Variants in NR3C1 observed in about 807,000 individuals in gnomAD.
NR3C1 encodes the protein glucocorticoid receptor.
NR3C1 carries 14 observed loss-of-function variants against 74.0 expected under a neutral mutation model. That is an observed-to-expected ratio of 0.19 (90% CI 0.12 to 0.30). NR3C1 has a LOEUF of 0.30. Ranked by LOEUF, NR3C1 falls within the 10% of genes least tolerant of loss-of-function variation. The pLI is 1.00. For missense variants in NR3C1, 695 were observed against 909.8 expected (o/e 0.76, Z 3.04); for synonymous variants, 308 against 332.5 (o/e 0.93, Z 0.80).
chr5:143,338,200 C>T (rs929311756), intron 2 of NR3C1, among the ~76,000 whole-genome samples: 2 of 152,140 alleles, frequency 1.3e-5, no homozygotes, highest in Non-Finnish European at 2.9e-5. Flanking sequence ...AACAAACCTA[C>T]CGTGCTACCA....
At chr5:143,349,102 T>C (rs111599976) in intron 2 of NR3C1, among the ~76,000 whole-genome samples, 431 of 152,238 alleles carry the variant, frequency 2.8e-3, no homozygotes, top group South Asian at 6.8e-3. Flanking sequence ...TGAGAAAGGA[T>C]GAGGGGGGTC....
At chr5:143,316,166 G>A (rs1045931479) in intron 2 of NR3C1, among the ~76,000 whole-genome samples, 1 of 152,192 alleles carries the variant, frequency 6.6e-6, no homozygotes, top group South Asian at 2.1e-4. Flanking sequence ...TAATGTAGAG[G>A]AGCTGCTTTG....
intron 7 of NR3C1, among the ~76,000 whole-genome samples, chr5:143,293,308 T>TCTAAGTGGG (rs1480760586): frequency 6.6e-6 from 1 of 152,142 alleles, no homozygotes; most frequent in African/African-American, 2.4e-5. Context: ...TGTTCTCACT[T>TCTAAGTGGG]CTAAGTGGGA....
intron 7 of NR3C1, 43 bp from the exon 8 acceptor site, chr5:143,282,768 T>TTTTC: frequency 6.3e-7 from 1 of 1,582,492 alleles, no homozygotes; most frequent in Non-Finnish European, 8.6e-7. Flanking sequence ...TTTCTTTTTC[T>TTTTC]TTTCTTTTCT....
At chr5:143,294,996 G>T in intron 7 of NR3C1, 3 of 985,326 alleles carry the variant, frequency 3.0e-6, no homozygotes, top group Non-Finnish European at 3.6e-6. Context: ...CAGCTCCCAT[G>T]CTATGTTAAC....
intron 7 of NR3C1, among the ~76,000 whole-genome samples, chr5:143,285,624 C>G (rs974430019): frequency 6.6e-6 from 1 of 151,880 alleles, no homozygotes; most frequent in Admixed American, 6.6e-5. Flanking sequence ...TGGAGAAAAA[C>G]CCAAATGTTT....
At chr5:143,330,329 A>C (rs894056050) in intron 2 of NR3C1, among the ~76,000 whole-genome samples, 1 of 152,220 alleles carries the variant, frequency 6.6e-6, no homozygotes, top group East Asian at 1.9e-4. Context: ...CTACTGTTGT[A>C]GTGGGAGATG....
intron 2 of NR3C1, among the ~76,000 whole-genome samples, chr5:143,323,544 G>C (rs1823867858): frequency 6.6e-6 from 1 of 151,940 alleles, no homozygotes; most frequent in Non-Finnish European, 1.5e-5. Context: ...ATTAGGGTGG[G>C]GACACAGCCA....
At chr5:143,325,471 G>A (rs1824383799) in intron 2 of NR3C1, among the ~76,000 whole-genome samples, 2 of 152,198 alleles carry the variant, frequency 1.3e-5, no homozygotes, top group African/African-American at 4.8e-5. Context: ...TTCTGGTGAG[G>A]ACACAGCCAA....
chr5:143,332,183 GA>G (rs1407580756), intron 2 of NR3C1, among the ~76,000 whole-genome samples: 1 of 152,076 alleles, frequency 6.6e-6, no homozygotes, highest in African/African-American at 2.4e-5. Context: ...CTTCAATACT[GA>G]AAGCTGACAA....
chr5:143,314,922 A>G (rs1233733149), intron 2 of NR3C1, among the ~76,000 whole-genome samples: 15 of 152,196 alleles, frequency 9.9e-5, no homozygotes, highest in Admixed American at 9.8e-4. Context: ...CCACTCTATG[A>G]CTGTTTGGCT....
chr5:143,292,751 G>A (rs174050), intron 7 of NR3C1, among the ~76,000 whole-genome samples: 21,245 of 151,978 alleles, frequency 0.14, 1,630 homozygotes, highest in Non-Finnish European at 0.16. Flanking sequence ...AGTCTTCCTG[G>A]CTTCAGTGGC....
At chr5:143,327,242 A>C (rs973190696) in intron 2 of NR3C1, among the ~76,000 whole-genome samples, 1 of 152,144 alleles carries the variant, frequency 6.6e-6, no homozygotes, top group Non-Finnish European at 1.5e-5. Flanking sequence ...AAAGAGCACA[A>C]GGGAAACTGC....
chr5:143,391,875 T>A (rs1190820595), intron 2 of NR3C1, among the ~76,000 whole-genome samples: 1 of 152,206 alleles, frequency 6.6e-6, no homozygotes, highest in Non-Finnish European at 1.5e-5. Context: ...ACTTAGCCAA[T>A]GAGAGTCATG....
intron 2 of NR3C1, among the ~76,000 whole-genome samples, chr5:143,375,459 A>G (rs1835022514): frequency 6.6e-6 from 1 of 152,216 alleles, no homozygotes; most frequent in South Asian, 2.1e-4. Flanking sequence ...ATTATGGTAT[A>G]CCCATATGGC....
intron 1 of NR3C1, among the ~76,000 whole-genome samples, chr5:143,425,859 C>A (rs1298251367): frequency 6.6e-6 from 1 of 152,164 alleles, no homozygotes; most frequent in Non-Finnish European, 1.5e-5. Context: ...TATGACCCAG[C>A]AATTCAACTC....
chr5:143,431,412 T>C (rs1259940196), intron 1 of NR3C1, among the ~76,000 whole-genome samples: 2 of 151,918 alleles, frequency 1.3e-5, no homozygotes, highest in Admixed American at 6.5e-5. Flanking sequence ...ATTGGTGTTA[T>C]GCATGTTCTC....
intron 7 of NR3C1, among the ~76,000 whole-genome samples, chr5:143,293,154 T>C (rs2151521040): frequency 6.6e-6 from 1 of 152,164 alleles, no homozygotes; most frequent in Non-Finnish European, 1.5e-5. Flanking sequence ...AACGAGTGGA[T>C]AAAGAAAATG....
chr5:143,413,834 T>C (rs1841388410), intron 1 of NR3C1, among the ~76,000 whole-genome samples: 1 of 151,974 alleles, frequency 6.6e-6, no homozygotes, highest in African/African-American at 2.4e-5. Flanking sequence ...GGGGTACAAA[T>C]GAAAGAGAGA....
Sources: gnomAD v4.1 joint callset for allele counts (sites outside exome capture counted in the v4.1 genomes callset) on GRCh38, gnomAD v4.1.1 for gene constraint, MANE v1.5 for transcripts, NCBI Gene and HGNC (gene_info 2026-07-23, HGNC 2026-07-21) for gene names.